PRKCH: variants seen among roughly 807,000 people sequenced by gnomAD.
PRKCH encodes protein kinase C eta, also known as protein kinase C eta type.
Under a neutral mutation model 82.5 loss-of-function variants are expected in PRKCH, and 28 were observed. That is an observed-to-expected ratio of 0.34 (90% confidence interval 0.25 to 0.47). The LOEUF is 0.47. PRKCH is among the 20% of genes least tolerant of loss of function. The probability of loss-of-function intolerance (pLI) is 1.00; values close to 1 mark genes in which losing one functional copy is unlikely to be tolerated. For missense variants in PRKCH, 705 were observed against 881.8 expected, an observed-to-expected ratio of 0.80 and a Z score of 2.54; for synonymous variants, 322 against 327.4, an observed-to-expected ratio of 0.98 and a Z score of 0.18.
At chr14:61,454,547 C>G (rs1001231859) in intron 7 of PRKCH, among the ~76,000 whole-genome samples, 2 of 152,170 alleles carry the variant, frequency 1.3e-5, no homozygotes, top group African/African-American at 4.8e-5. Flanking sequence ...ACCTCTAAAG[C>G]GGTTCAACTT....
chr14:61,445,651 CT>C lies in PRKCH; in HGVS notation c.579-40del, dbSNP rs139271642. 563 of 1,570,916 alleles carry C rather than the reference CT, an allele frequency of 3.6e-4. 1 individual carries two copies. In the African/African-American group the frequency reaches 6.9e-3, roughly 19 times the overall value. On this transcript the variant is annotated intron_variant, in intron 3 of 13. Transcript: ENST00000332981. ...CTTAAGGACTATAAGAGGGTTATTG[CT>C]GAAATACTTGACTGATGGTAGTTTT...
At position 61,440,884 on chromosome 14, in the gene PRKCH, A is replaced by T. The variant is rs187204994; in HGVS notation, c.428-2227A>T. On this transcript the variant is annotated intron_variant, in intron 2 of 13. Transcript: ENST00000332981. Reference sequence around the variant, plus strand: ...TTAAACTCTATCCAAAAATAAAAATAAAAAATAAAAAATTATTATTGAAAT... The same window carrying T: ...TTAAACTCTATCCAAAAATAAAAATTAAAAATAAAAAATTATTATTGAAAT... Among the ~76,000 whole-genome samples the T allele has an allele frequency of 4.0e-5, 6 of 151,516 alleles. No homozygotes were observed. The East Asian group carries it at 9.8e-4, about 25-fold the overall frequency.
chr14:61,527,005 T>C (rs1387515242), intron 10 of PRKCH, among the ~76,000 whole-genome samples: 1 of 152,238 alleles, frequency 6.6e-6, no homozygotes, highest in Non-Finnish European at 1.5e-5. Context: ...AGACTGTGCC[T>C]GTGAGGCTAG....
intron 10 of PRKCH, among the ~76,000 whole-genome samples, chr14:61,512,290 C>CAG (rs1566922135): frequency 1.5e-5 from 2 of 135,294 alleles, no homozygotes; most frequent in South Asian, 2.3e-4. Context: ...GGCTCAGAAG[C>CAG]AGAGAGAGAA....
chr14:61,410,428 T>G (rs1212707044), intron 2 of PRKCH, among the ~76,000 whole-genome samples: 1 of 152,218 alleles, frequency 6.6e-6, no homozygotes, highest in Non-Finnish European at 1.5e-5. Flanking sequence ...TAGGGTAATA[T>G]AAATCCGTTG....
intron 1 of PRKCH, among the ~76,000 whole-genome samples, chr14:61,352,676 GA>G (rs2046094379): frequency 1.6e-5 from 2 of 124,736 alleles, no homozygotes; most frequent in Non-Finnish European, 3.4e-5. Context: ...GAGAGAGAGA[GA>G]GAGAAAGGAA....
chr14:61,410,085 A>G (rs923075933), intron 2 of PRKCH, among the ~76,000 whole-genome samples: 1 of 152,184 alleles, frequency 6.6e-6, no homozygotes, highest in African/African-American at 2.4e-5. Context: ...TTATTAAATT[A>G]GCTTCTCAGT....
intron 2 of PRKCH, among the ~76,000 whole-genome samples, chr14:61,408,340 G>A (rs929142630): frequency 3.9e-5 from 6 of 152,082 alleles, no homozygotes; most frequent in Admixed American, 2.6e-4. Context: ...CTGCTTTCAG[G>A]TAATAGGTCT....
intron 1 of PRKCH, among the ~76,000 whole-genome samples, chr14:61,313,954 G>A (rs531225865): frequency 6.7e-4 from 102 of 152,110 alleles, no homozygotes; most frequent in Non-Finnish European, 1.3e-3. Flanking sequence ...GAGTAGCTGG[G>A]ACCATAGGCA....
chr14:61,192,061 A>G (rs1161936246), intron 1 of PRKCH, among the ~76,000 whole-genome samples: 2 of 152,056 alleles, frequency 1.3e-5, no homozygotes, highest in African/African-American at 2.4e-5. Context: ...AAATAAAGAC[A>G]TATTGGCTCA....
intron 10 of PRKCH, among the ~76,000 whole-genome samples, chr14:61,523,236 G>A (rs1046911130): frequency 1.3e-5 from 2 of 152,100 alleles, no homozygotes; most frequent in African/African-American, 4.8e-5. Flanking sequence ...AAAATCCATT[G>A]AACTCTATGC....
At chr14:61,519,498 G>C (rs1477782115) in intron 10 of PRKCH, among the ~76,000 whole-genome samples, 1 of 152,122 alleles carries the variant, frequency 6.6e-6, no homozygotes, top group East Asian at 1.9e-4. Flanking sequence ...GAGGTATGAG[G>C]GGGTAGTGGG....
At chr14:61,534,040 G>C (rs2043076272) in intron 12 of PRKCH, among the ~76,000 whole-genome samples, 2 of 152,200 alleles carry the variant, frequency 1.3e-5, no homozygotes, top group Admixed American at 1.3e-4. Flanking sequence ...AGGAAACCAT[G>C]AGGTACTGAG....
intron 2 of PRKCH, among the ~76,000 whole-genome samples, chr14:61,399,195 T>C (rs1048539946): frequency 1.2e-4 from 18 of 152,246 alleles, no homozygotes; most frequent in African/African-American, 4.3e-4. Flanking sequence ...GTGATGATTA[T>C]ATGTTGCATG....
intron 1 of PRKCH, among the ~76,000 whole-genome samples, chr14:61,380,433 G>A (rs1269175532): frequency 1.3e-5 from 2 of 151,124 alleles, no homozygotes; most frequent in Admixed American, 6.9e-5. Flanking sequence ...TGGCATCCTG[G>A]TGCTATACCA....
At chr14:61,342,469 T>C (rs973289444) in intron 1 of PRKCH, among the ~76,000 whole-genome samples, 7 of 152,206 alleles carry the variant, frequency 4.6e-5, no homozygotes, top group African/African-American at 1.7e-4. Context: ...TTTATCTGCA[T>C]ATATGTGAAG....
At chr14:61,459,416 G>C (rs908728432) in intron 9 of PRKCH, among the ~76,000 whole-genome samples, 1 of 152,224 alleles carries the variant, frequency 6.6e-6, no homozygotes, top group Non-Finnish European at 1.5e-5. Context: ...CTGCTGGTGA[G>C]ACAGAGCATC....
intron 1 of PRKCH, among the ~76,000 whole-genome samples, chr14:61,243,324 G>A (rs1208944166): frequency 4.6e-5 from 7 of 150,656 alleles, no homozygotes. Flanking sequence ...CTTGAACTCG[G>A]GAGGTGGAGA....
intron 10 of PRKCH, among the ~76,000 whole-genome samples, chr14:61,491,926 G>C: frequency 6.6e-6 from 1 of 152,222 alleles, no homozygotes; most frequent in South Asian, 2.1e-4. Flanking sequence ...CTATGAAGAG[G>C]AGAAATACAA....
Sources: allele counts gnomAD v4.1 joint callset (sites outside exome capture counted in the v4.1 genomes callset), GRCh38; gene constraint gnomAD v4.1.1; transcripts MANE v1.5; gene names NCBI Gene and HGNC (gene_info 2026-07-23, HGNC 2026-07-21).